TUSC3: variants seen among roughly 807,000 people sequenced by gnomAD.
TUSC3 encodes the protein tumor suppressor candidate 3.
In TUSC3, 45 loss-of-function variants were observed where a neutral mutation model predicts 44.8. That is an observed-to-expected ratio of 1.00 (90% CI 0.79 to 1.29). TUSC3 has a LOEUF of 1.29. Ranked by LOEUF, TUSC3 falls within the 50% of genes most tolerant of loss-of-function variation. The pLI is 0.00. For synonymous variants in TUSC3, 212 were observed against 152.9 expected, an observed-to-expected ratio of 1.39 and a Z score of -2.85; for missense variants, 519 against 437.9, an observed-to-expected ratio of 1.19 and a Z score of -1.65.
intron 3 of TUSC3, among the ~76,000 whole-genome samples, chr8:15,654,633 C>G (rs1807075100): frequency 1.3e-5 from 2 of 151,952 alleles, no homozygotes; most frequent in Non-Finnish European, 1.5e-5. Context: ...CCCATCTCTA[C>G]TAAAAATACA....
At chr8:15,540,695 G>T (rs563375092) in intron 1 of TUSC3, 127 bp downstream of exon 1, 15 of 1,323,966 alleles carry the variant, frequency 1.1e-5, no homozygotes, top group South Asian at 4.9e-5. Flanking sequence ...GCGCTGGGGC[G>T]GGAGCCGCGA....
chr8:15,776,386 G>A, the TUSC3 span, among the ~76,000 whole-genome samples: 1 of 151,942 alleles, frequency 6.6e-6, no homozygotes, highest in Non-Finnish European at 1.5e-5. Flanking sequence ...ATTCATCTTG[G>A]GAGAGAAGGC....
At chr8:15,505,103 A>C (rs758118981) in intron 2 of TUSC3, among the ~76,000 whole-genome samples, 2 of 152,172 alleles carry the variant, frequency 1.3e-5, no homozygotes, top group Non-Finnish European at 2.9e-5. Flanking sequence ...AAAATATGAC[A>C]GATTGCCCTC....
intron 2 of TUSC3, among the ~76,000 whole-genome samples, chr8:15,648,066 A>G (rs1257702535): frequency 6.6e-6 from 1 of 152,182 alleles, no homozygotes; most frequent in African/African-American, 2.4e-5. Context: ...TTACAGAAAT[A>G]CCATTTTCTC....
chr8:15,526,830 G>C (rs1465726913), intron 2 of TUSC3, among the ~76,000 whole-genome samples: 1 of 152,140 alleles, frequency 6.6e-6, no homozygotes, highest in Non-Finnish European at 1.5e-5. Flanking sequence ...AGTGTTGAGG[G>C]AGACTAGGGG....
downstream of TUSC3, among the ~76,000 whole-genome samples, chr8:15,768,697 A>C (rs1298886429): frequency 1.3e-5 from 2 of 152,196 alleles, no homozygotes; most frequent in African/African-American, 4.8e-5. Context: ...ATACCCCATC[A>C]TCTCAGCCCC....
At chr8:15,693,721 T>C (rs1040287178) in intron 6 of TUSC3, among the ~76,000 whole-genome samples, 14 of 152,112 alleles carry the variant, frequency 9.2e-5, no homozygotes, top group African/African-American at 3.1e-4. Context: ...TTTTCACGGA[T>C]GATATTCTGA....
intron 2 of TUSC3, among the ~76,000 whole-genome samples, chr8:15,484,720 A>G (rs1036879512): frequency 1.3e-5 from 2 of 152,210 alleles, no homozygotes; most frequent in Non-Finnish European, 2.9e-5. Context: ...GAGTCAGAAA[A>G]CTGAATTTAA....
At chr8:15,651,876 A>T (rs1210134416) in intron 3 of TUSC3, among the ~76,000 whole-genome samples, 1 of 152,220 alleles carries the variant, frequency 6.6e-6, no homozygotes, top group East Asian at 1.9e-4. Flanking sequence ...CATTGTTGAC[A>T]TCGAGAGCTT....
intron 2 of TUSC3, among the ~76,000 whole-genome samples, chr8:15,642,536 T>G (rs1806419941): frequency 6.6e-6 from 1 of 152,180 alleles, no homozygotes; most frequent in African/African-American, 2.4e-5. Flanking sequence ...ATCTTGTGTC[T>G]ACCTTTTTGA....
At chr8:15,609,043 G>T (rs906199559) in intron 1 of TUSC3, among the ~76,000 whole-genome samples, 2 of 152,078 alleles carry the variant, frequency 1.3e-5, no homozygotes, top group African/African-American at 4.8e-5. Flanking sequence ...TTTGCTCTTG[G>T]CTGATTTTCT....
chr8:15,827,835 G>A, the TUSC3 span, among the ~76,000 whole-genome samples: 25 of 152,032 alleles, frequency 1.6e-4, no homozygotes, highest in South Asian at 4.1e-4. Context: ...AGTTGATGCC[G>A]GAATGTTGAA....
intron 7 of TUSC3, among the ~76,000 whole-genome samples, chr8:15,735,876 T>TTGTTTTTTG (rs142430430): frequency 7.2e-6 from 1 of 139,064 alleles, no homozygotes; most frequent in Non-Finnish European, 1.6e-5. Context: ...ATGGGTTTTT[T>TTGTTTTTTG]TTTTTTGTTT....
At chr8:15,433,215 T>C (rs889703927) in intron 1 of TUSC3, among the ~76,000 whole-genome samples, 1 of 152,152 alleles carries the variant, frequency 6.6e-6, no homozygotes, top group African/African-American at 2.4e-5. Flanking sequence ...AAAAGTTCTT[T>C]TCCATTGTGG....
chr8:15,536,574 C>T (rs957315226), upstream of TUSC3, among the ~76,000 whole-genome samples: 5 of 150,626 alleles, frequency 3.3e-5, no homozygotes, highest in African/African-American at 7.3e-5. Flanking sequence ...CCCAGCTACT[C>T]GGGAGGCTGA....
intron 2 of TUSC3, among the ~76,000 whole-genome samples, chr8:15,490,804 C>T (rs149078883): frequency 4.6e-5 from 7 of 152,298 alleles, no homozygotes; most frequent in African/African-American, 1.4e-4. Flanking sequence ...TTTCTCATAA[C>T]TTCACAAGCT....
chr8:15,787,968 T>G, the TUSC3 span, among the ~76,000 whole-genome samples: 1 of 152,156 alleles, frequency 6.6e-6, no homozygotes, highest in Non-Finnish European at 1.5e-5. Context: ...ATATTCCTAT[T>G]CTCTCTTATT....
chr8:15,468,752 T>C (rs1303419749), intron 1 of TUSC3, among the ~76,000 whole-genome samples: 2 of 152,206 alleles, frequency 1.3e-5, no homozygotes, highest in African/African-American at 4.8e-5. Flanking sequence ...ACATTCTTTA[T>C]ATTAGAAGTG....
intron 2 of TUSC3, among the ~76,000 whole-genome samples, chr8:15,636,171 G>A (rs1328255475): frequency 6.6e-6 from 1 of 152,046 alleles, no homozygotes; most frequent in Non-Finnish European, 1.5e-5. Context: ...TTTCTGAGGG[G>A]AAGCAGCCAC....
Sources: gnomAD v4.1 joint callset for allele counts (sites outside exome capture counted in the v4.1 genomes callset) on GRCh38, gnomAD v4.1.1 for gene constraint, MANE v1.5 for transcripts, NCBI Gene and HGNC (gene_info 2026-07-23, HGNC 2026-07-21) for gene names.